INTS15: variants seen among roughly 807,000 people sequenced by gnomAD.
INTS15 encodes the protein integrator complex subunit 15.
chr7:6,597,801 G>A, the INTS15 span, among the ~76,000 whole-genome samples: 1 of 152,322 alleles, frequency 6.6e-6, no homozygotes, highest in East Asian at 1.9e-4. Context: ...CACAGCAGTG[G>A]CCCTGGAAGT....
the INTS15 span, among the ~76,000 whole-genome samples, chr7:6,595,820 C>G: frequency 5.6e-3 from 849 of 152,276 alleles, 7 homozygotes; most frequent in African/African-American, 0.018. Flanking sequence ...GTTGCTGGGA[C>G]TGTAGGCACA....
chr7:6,601,165 C>G, the INTS15 span, among the ~76,000 whole-genome samples: 1 of 152,130 alleles, frequency 6.6e-6, no homozygotes, highest in East Asian at 1.9e-4. Flanking sequence ...GAGTCAGGGT[C>G]TCACCATCTT....
chr7:6,594,229 A>C, the INTS15 span, among the ~76,000 whole-genome samples: 1 of 143,020 alleles, frequency 7.0e-6, no homozygotes, highest in African/African-American at 2.6e-5. Flanking sequence ...CTGGTCTCGA[A>C]CTCCTGACCT....
At chr7:6,591,797 G>C in the INTS15 span, 1 of 1,614,010 alleles carries the variant, frequency 6.2e-7, no homozygotes, top group Non-Finnish European at 8.5e-7. Flanking sequence ...AGCTTGTTGG[G>C]AAAACTGGTC....
chr7:6,596,313 C>G, the INTS15 span, among the ~76,000 whole-genome samples: 1 of 151,374 alleles, frequency 6.6e-6, no homozygotes, highest in African/African-American at 2.4e-5. Flanking sequence ...CTCGGCCTCC[C>G]AAAGTGCTGG....
At chr7:6,602,197 G>C in the INTS15 span, 3,093 of 1,457,820 alleles carry the variant, frequency 2.1e-3, 47 homozygotes, top group African/African-American at 0.038. Context: ...GTGGAGGGAG[G>C]CAAGACAGGG....
the INTS15 span, among the ~76,000 whole-genome samples, chr7:6,601,538 C>T: frequency 3.8e-4 from 58 of 152,076 alleles, no homozygotes; most frequent in Non-Finnish European, 7.1e-4. Context: ...TCAAGTGATC[C>T]GCCCGCCTCA....
At chr7:6,602,733 T>A in the INTS15 span, 4 of 471,028 alleles carry the variant, frequency 8.5e-6, no homozygotes, top group Non-Finnish European at 1.8e-5. Flanking sequence ...CGTGGAGACC[T>A]CCACAAACGC....
chr7:6,590,728 C>T, the INTS15 span, among the ~76,000 whole-genome samples: 2 of 152,218 alleles, frequency 1.3e-5, no homozygotes, highest in Non-Finnish European at 2.9e-5. Flanking sequence ...ACTGCCCGCT[C>T]CCTAGAGGTC....
At chr7:6,596,050 C>CTTT in the INTS15 span, among the ~76,000 whole-genome samples, 2 of 148,354 alleles carry the variant, frequency 1.3e-5, no homozygotes, top group Non-Finnish European at 1.5e-5. Flanking sequence ...TTTGAGCCTT[C>CTTT]TTTTTTTTTT....
At chr7:6,606,456 G>T in the INTS15 span, among the ~76,000 whole-genome samples, 1 of 152,138 alleles carries the variant, frequency 6.6e-6, no homozygotes, top group Non-Finnish European at 1.5e-5. Flanking sequence ...ATGCAGGGAC[G>T]GAGCCTTGGC....
At chr7:6,595,354 G>T in the INTS15 span, among the ~76,000 whole-genome samples, 5 of 152,104 alleles carry the variant, frequency 3.3e-5, no homozygotes, top group Non-Finnish European at 5.9e-5. Context: ...TGTAGAGATG[G>T]AGTTTCACTG....
At chr7:6,602,731 C>G in the INTS15 span, 1 of 471,002 alleles carries the variant, frequency 2.1e-6, no homozygotes, top group East Asian at 6.9e-5. Flanking sequence ...CACGTGGAGA[C>G]CTCCACAAAC....
chr7:6,604,668 C>T, the INTS15 span, among the ~76,000 whole-genome samples: 1 of 152,172 alleles, frequency 6.6e-6, no homozygotes, highest in Non-Finnish European at 1.5e-5. Context: ...GAGCGCTGGG[C>T]AGCGCTCGCA....
the INTS15 span, among the ~76,000 whole-genome samples, chr7:6,593,040 C>T: frequency 6.6e-6 from 1 of 152,188 alleles, no homozygotes; most frequent in Non-Finnish European, 1.5e-5. Context: ...TGTGGCATCT[C>T]ACCTGGGATC....
the INTS15 span, chr7:6,607,756 C>G: frequency 6.7e-7 from 1 of 1,490,858 alleles, no homozygotes; most frequent in East Asian, 2.5e-5. This position sits in a 1 kb window ranked among gnomAD's most constrained non-coding sequence, Gnocchi z 6.0. Context: ...AGGCCCCGTG[C>G]AGAGCCCACT....
At chr7:6,596,373 A>AC in the INTS15 span, among the ~76,000 whole-genome samples, 17 of 74,170 alleles carry the variant, frequency 2.3e-4, no homozygotes, top group African/African-American at 6.0e-4. Context: ...TTTATCTGTC[A>AC]CCCTTTTTTT....
chr7:6,605,496 T>C, the INTS15 span, among the ~76,000 whole-genome samples: 1 of 152,160 alleles, frequency 6.6e-6, no homozygotes, highest in East Asian at 1.9e-4. Context: ...CCGAGTCTTA[T>C]AACCAGGGGT....
At chr7:6,604,226 G>A in the INTS15 span, among the ~76,000 whole-genome samples, 3 of 152,136 alleles carry the variant, frequency 2.0e-5, no homozygotes, top group South Asian at 2.1e-4. Flanking sequence ...ACAGGTGTGC[G>A]CCACCACAGC....
Sources: allele counts gnomAD v4.1 joint callset (sites outside exome capture counted in the v4.1 genomes callset), GRCh38; gene constraint gnomAD v4.1.1; non-coding constraint Gnocchi (gnomAD v3.1); transcripts MANE v1.5; gene names NCBI Gene and HGNC (gene_info 2026-07-23, HGNC 2026-07-21).